Variants in UVRAG observed in about 807,000 individuals in gnomAD.
UVRAG encodes the protein UV radiation resistance associated.
UVRAG carries 19 observed loss-of-function variants against 78.0 expected under a neutral mutation model. The observed-to-expected ratio is 0.24, with a 90% CI of 0.17 to 0.36. The LOEUF (loss-of-function observed/expected upper bound fraction) is 0.36, where lower values mean the gene tolerates loss of function less well. Ranked by LOEUF, UVRAG falls within the 10% of genes least tolerant of loss-of-function variation. The pLI, the probability that UVRAG is intolerant of heterozygous loss-of-function variation, is 1.00. For missense variants in UVRAG, 740 were observed against 853.8 expected (o/e 0.87, Z 1.66); for synonymous variants, 323 against 324.6 (o/e 1.00, Z 0.05).
chr11:76,000,201 A>G (rs1223673603), intron 8 of UVRAG, among the ~76,000 whole-genome samples: 1 of 152,256 alleles, frequency 6.6e-6, no homozygotes, highest in Admixed American at 6.5e-5. Flanking sequence ...AGGTGTAAGT[A>G]GTCTGAATAT....
At chr11:75,879,086 A>G (rs141833719) in intron 3 of UVRAG, among the ~76,000 whole-genome samples, 89 of 152,340 alleles carry the variant, frequency 5.8e-4, no homozygotes, top group African/African-American at 2.0e-3. Flanking sequence ...TTAATGAGAA[A>G]TAATGTTCTT....
chr11:75,883,388 G>GAAAA (rs1310332580), intron 4 of UVRAG, among the ~76,000 whole-genome samples: 1 of 108,726 alleles, frequency 9.2e-6, no homozygotes, highest in African/African-American at 3.4e-5. Context: ...AAAAAGAAAA[G>GAAAA]AAAAAAAAAA....
At chr11:75,908,859 TAG>T (rs933051056) in intron 5 of UVRAG, among the ~76,000 whole-genome samples, 26 of 152,062 alleles carry the variant, frequency 1.7e-4, no homozygotes, top group Admixed American at 1.5e-3. Context: ...GTCATTTTGG[TAG>T]AGTCATTTTG....
chr11:75,828,978 C>T (rs1020667676), intron 1 of UVRAG, among the ~76,000 whole-genome samples: 10 of 151,688 alleles, frequency 6.6e-5, no homozygotes, highest in Non-Finnish European at 7.4e-5. Flanking sequence ...ACCTTGGCCT[C>T]CCAAAGTGTT....
intron 3 of UVRAG, among the ~76,000 whole-genome samples, chr11:75,871,504 G>T (rs368557864): frequency 6.6e-6 from 1 of 151,618 alleles, no homozygotes; most frequent in East Asian, 1.9e-4. Context: ...GATTGGTCTC[G>T]AACTCCTGAT....
At chr11:75,847,339 C>G (rs1946057645) in intron 1 of UVRAG, among the ~76,000 whole-genome samples, 1 of 152,050 alleles carries the variant, frequency 6.6e-6, no homozygotes, top group South Asian at 2.1e-4. Context: ...ATTGGCCAGG[C>G]TGGTCTTGAA....
chr11:75,881,842 G>A (rs1170601471), intron 4 of UVRAG, among the ~76,000 whole-genome samples: 1 of 152,150 alleles, frequency 6.6e-6, no homozygotes, highest in Non-Finnish European at 1.5e-5. Context: ...GCAACCTTGT[G>A]AAGTTTGATA....
At chr11:75,965,564 C>G (rs928238231) in intron 7 of UVRAG, among the ~76,000 whole-genome samples, 2 of 152,198 alleles carry the variant, frequency 1.3e-5, no homozygotes, top group African/African-American at 4.8e-5. Context: ...GTCTGCCCGC[C>G]TTGGCCTCCC....
intron 9 of UVRAG, among the ~76,000 whole-genome samples, chr11:76,006,219 G>A (rs1010268086): frequency 6.6e-6 from 1 of 152,072 alleles, no homozygotes; most frequent in Non-Finnish European, 1.5e-5. Context: ...AATAAGAACC[G>A]GGGGCAAAGA....
chr11:76,092,089 T>G (rs570753599), intron 13 of UVRAG, among the ~76,000 whole-genome samples: 1 of 152,224 alleles, frequency 6.6e-6, no homozygotes, highest in Non-Finnish European at 1.5e-5. Flanking sequence ...GCTGTGGTGT[T>G]TGGTTTTTTG....
At chr11:76,096,614 G>T (rs966666984) in intron 13 of UVRAG, among the ~76,000 whole-genome samples, 3 of 152,176 alleles carry the variant, frequency 2.0e-5, no homozygotes, top group Non-Finnish European at 4.4e-5. Context: ...CAAGGATGCT[G>T]TAGAAAAGGA....
chr11:75,872,562 A>AT (rs1254979198), intron 3 of UVRAG, among the ~76,000 whole-genome samples: 1 of 151,440 alleles, frequency 6.6e-6, no homozygotes, highest in Non-Finnish European at 1.5e-5. Flanking sequence ...TAATTTTTGT[A>AT]TTTTTTAGTA....
intron 7 of UVRAG, among the ~76,000 whole-genome samples, chr11:75,983,149 T>A (rs1394232373): frequency 1.3e-5 from 2 of 152,200 alleles, no homozygotes; most frequent in African/African-American, 2.4e-5. Flanking sequence ...AGATATTTTG[T>A]GTAGTGTCTG....
chr11:76,062,701 T>G (rs1474163495), intron 12 of UVRAG, among the ~76,000 whole-genome samples: 1 of 152,198 alleles, frequency 6.6e-6, no homozygotes, highest in African/African-American at 2.4e-5. Flanking sequence ...GACCTAATAC[T>G]GAAGCCATGT....
intron 12 of UVRAG, among the ~76,000 whole-genome samples, chr11:76,064,533 G>A (rs1951152291): frequency 6.6e-6 from 1 of 152,138 alleles, no homozygotes; most frequent in African/African-American, 2.4e-5. Flanking sequence ...CTGTCTTCTT[G>A]ATGGGTGTGT....
intron 1 of UVRAG, among the ~76,000 whole-genome samples, chr11:75,839,579 A>G (rs866527288): frequency 6.6e-5 from 10 of 151,264 alleles, no homozygotes; most frequent in African/African-American, 1.9e-4. Flanking sequence ...TCTTTTTTCA[A>G]TTTTCTCTTC....
intron 7 of UVRAG, among the ~76,000 whole-genome samples, chr11:75,978,099 A>G (rs1291696891): frequency 6.6e-6 from 1 of 152,094 alleles, no homozygotes; most frequent in African/African-American, 2.4e-5. Context: ...GCTTGTCTGT[A>G]AAGGATTTTA....
At chr11:76,100,436 C>T (rs1482792251) in intron 13 of UVRAG, among the ~76,000 whole-genome samples, 1 of 152,168 alleles carries the variant, frequency 6.6e-6, no homozygotes, top group Non-Finnish European at 1.5e-5. Flanking sequence ...ACTCTCTCCA[C>T]TGGCTTACCT....
At chr11:75,972,990 C>T (rs970432942) in intron 7 of UVRAG, among the ~76,000 whole-genome samples, 1 of 152,146 alleles carries the variant, frequency 6.6e-6, no homozygotes, top group Non-Finnish European at 1.5e-5. Flanking sequence ...CAGCCAAAGA[C>T]AGTTTTATTT....
Sources: gnomAD v4.1 joint callset for allele counts (sites outside exome capture counted in the v4.1 genomes callset) on GRCh38, gnomAD v4.1.1 for gene constraint, MANE v1.5 for transcripts, NCBI Gene and HGNC (gene_info 2026-07-23, HGNC 2026-07-21) for gene names.